Variants in RNF17 observed in about 807,000 individuals in gnomAD.
RNF17 encodes ring finger protein 17.
In RNF17, 31 loss-of-function variants were observed where a neutral mutation model predicts 200.5. The observed-to-expected ratio is 0.15, with a 90% CI of 0.12 to 0.21. The LOEUF is 0.21. Among genes scored for constraint, RNF17 ranks in the 10% least tolerant of loss-of-function variants. The probability of loss-of-function intolerance (pLI) is 1.00; values close to 1 mark genes in which losing one functional copy is unlikely to be tolerated. For synonymous variants in RNF17, 606 were observed against 637.8 expected, an observed-to-expected ratio of 0.95 and a Z score of 0.75; for missense variants, 1,628 against 1,905.1, an observed-to-expected ratio of 0.85 and a Z score of 2.71.
intron 26 of RNF17, among the ~76,000 whole-genome samples, chr13:24,860,664 G>A (rs1892995967): frequency 2.6e-5 from 4 of 151,916 alleles, no homozygotes; most frequent in Admixed American, 2.6e-4. Context: ...TTTAGAAATT[G>A]AATTATCAAA....
upstream of RNF17, among the ~76,000 whole-genome samples, chr13:24,761,789 G>A (rs1878765010): frequency 6.6e-6 from 1 of 152,144 alleles, no homozygotes; most frequent in African/African-American, 2.4e-5. Context: ...GAACAAATGT[G>A]GTATAATCAT....
chr13:24,850,318 G>A (rs1329671829), intron 22 of RNF17, 23 bp from the exon 23 acceptor site: 1 of 1,478,424 alleles, frequency 6.8e-7, no homozygotes. Flanking sequence ...TATAAAACAA[G>A]TTGCCACTGT....
rs745476679 is a variant in RNF17, at chr13:24,842,173, T to C, written c.2603+12T>C. ...TCTTATGAAATAGGGTAAGTAGATA[T>C]GTAAACTTTCATTGTTAGTTCATGT... On this transcript the variant is annotated intron_variant, in intron 19 of 35. Transcript: ENST00000255324. 5 of 1,579,002 alleles carry C rather than the reference T, an allele frequency of 3.2e-6. No individual in the cohort carries two copies. The East Asian group carries it at 6.8e-5, about 21-fold the overall frequency.
chr13:24,873,392 T>C (rs1376242138), intron 32 of RNF17, among the ~76,000 whole-genome samples: 2 of 152,242 alleles, frequency 1.3e-5, no homozygotes, highest in Non-Finnish European at 2.9e-5. Flanking sequence ...ATTGTGAGCC[T>C]ATATTTGTTA....
chr13:24,859,045 A>G lies in RNF17; in HGVS notation c.3655A>G (p.Lys1219Glu). Reference protein sequence around the residue: ...KMTNEIQSNLKCLGLLEPYFW... With the variant: ...KMTNEIQSNLECLGLLEPYFW... ...GACAAATGAAATTCAAAGTAATTTA[A>G]AATGCCTTGGTCTTTTGGAGCCTTA... is the stretch of plus-strand genomic sequence containing the variant. Residue 1219 changes from lysine to glutamate, a missense_variant, in exon 26 of 36, where the codon AAA becomes GAA. Around this residue, in one of 5 missense-constraint regions of RNF17, gnomAD observed 609 missense variants for 681.9 expected, o/e 0.89. Coordinates refer to ENST00000255324, the MANE Select transcript of RNF17 (RefSeq NM_031277.3). 1 of 1,603,210 alleles carries G rather than the reference A, an allele frequency of 6.2e-7. No homozygotes were observed. Among genetic ancestry groups the G allele is most frequent in the Non-Finnish European group, 8.5e-7 (1 of 1,171,062 alleles).
At chr13:24,855,956 GT>G (rs1350282580) in intron 25 of RNF17, among the ~76,000 whole-genome samples, 1 of 152,038 alleles carries the variant, frequency 6.6e-6, no homozygotes, top group Non-Finnish European at 1.5e-5. Context: ...CTGATTCATA[GT>G]TCTTAATATA....
chr13:24,756,786 C>T, the RNF17 span, among the ~76,000 whole-genome samples: 17 of 152,050 alleles, frequency 1.1e-4, no homozygotes, highest in Non-Finnish European at 1.8e-4. Context: ...TAAAATCGAC[C>T]GAAGCCTTCC....
chr13:24,870,140 G>C (rs1032146635), intron 31 of RNF17, among the ~76,000 whole-genome samples: 1 of 151,874 alleles, frequency 6.6e-6, no homozygotes, highest in African/African-American at 2.4e-5. Flanking sequence ...TAGAGACGAG[G>C]TTTCACCGTG....
chr13:24,781,034 A>G (rs969057531), intron 5 of RNF17, among the ~76,000 whole-genome samples: 2 of 152,320 alleles, frequency 1.3e-5, no homozygotes, highest in East Asian at 3.9e-4. Context: ...TCTAAAATAC[A>G]TTGGTGAAAC....
At chr13:24,771,638 CTTT>C (rs11361522) in intron 2 of RNF17, among the ~76,000 whole-genome samples, 2 of 140,562 alleles carry the variant, frequency 1.4e-5, no homozygotes, top group African/African-American at 2.6e-5. Flanking sequence ...CTAGGTAGGG[CTTT>C]TTTTTTTTTT....
At chr13:24,797,860 T>A (rs559352506) in intron 11 of RNF17, among the ~76,000 whole-genome samples, 14 of 152,144 alleles carry the variant, frequency 9.2e-5, no homozygotes, top group Admixed American at 7.9e-4. Flanking sequence ...GGAGAATGAA[T>A]AAATAAATAT....
chr13:24,760,989 A>G (rs1878695817), upstream of RNF17, among the ~76,000 whole-genome samples: 1 of 152,192 alleles, frequency 6.6e-6, no homozygotes, highest in Admixed American at 6.5e-5. Flanking sequence ...GTTGGCAAGG[A>G]TATGGAGAAA....
chr13:24,752,180 A>G, the RNF17 span: 1 of 152,610 alleles, frequency 6.6e-6, no homozygotes, highest in Non-Finnish European at 1.5e-5. Context: ...ACGTTCCAGC[A>G]GAACGATGCC....
At chr13:24,839,186 G>A (rs1050019958) in intron 18 of RNF17, among the ~76,000 whole-genome samples, 2 of 152,090 alleles carry the variant, frequency 1.3e-5, no homozygotes, top group African/African-American at 2.4e-5. Flanking sequence ...ATGAACAAAT[G>A]GAAACACATC....
Position 24,874,219 on chromosome 13 carries a change from A to T in RNF17, c.4553A>T (p.Tyr1518Phe), listed in dbSNP as rs1478143039. 1 of 1,605,230 alleles carries T rather than the reference A, an allele frequency of 6.2e-7. No homozygotes were observed. Among genetic ancestry groups the T allele is most frequent in the South Asian group, 1.1e-5 (1 of 88,788 alleles). ...TCTATCTTAGTACAATTTGTTGATTATGGATCAACTGCAAAGCTGACATTA... is the reference window on the plus strand; with the variant it reads ...TCTATCTTAGTACAATTTGTTGATTTTGGATCAACTGCAAAGCTGACATTA... ...PLSILVQFVDYGSTAKLTLNR... is the reference protein window; with the variant it reads ...PLSILVQFVDFGSTAKLTLNR... The change falls in exon 33 of 36, where the codon TAT (tyrosine) becomes TTT (phenylalanine). Residue 1518 changes from tyrosine (Y) to phenylalanine (F), a missense_variant. By Grantham distance (22) the Tyr-to-Phe change is conservative (BLOSUM62 3). Transcript: ENST00000255324.
intron 2 of RNF17, among the ~76,000 whole-genome samples, chr13:24,773,563 G>A (rs1377566540): frequency 1.4e-4 from 22 of 152,086 alleles, no homozygotes; most frequent in Admixed American, 1.4e-3. Flanking sequence ...GAGGAGGGGA[G>A]GCAAGGGCAG....
chr13:24,823,074 C>T (rs775681902), intron 15 of RNF17, among the ~76,000 whole-genome samples: 6 of 151,940 alleles, frequency 3.9e-5, no homozygotes, highest in Non-Finnish European at 7.4e-5. Flanking sequence ...GAGTTGTGTT[C>T]TTTTTTTAAA....
intron 15 of RNF17, among the ~76,000 whole-genome samples, chr13:24,818,873 C>A (rs976652636): frequency 1.3e-5 from 2 of 151,870 alleles, no homozygotes; most frequent in African/African-American, 4.8e-5. Context: ...GAGTTTAATA[C>A]ATTTACATTT....
chr13:24,884,352 C>CGTCACCATTAAAGAAA (rs748968531), downstream of RNF17: 1 of 1,614,112 alleles, frequency 6.2e-7, no homozygotes, highest in Non-Finnish European at 8.5e-7. Flanking sequence ...ACCTGCTTCA[C>CGTCACCATTAAAGAAA]GTCACCATTA....
Sources: allele counts gnomAD v4.1 joint callset (sites outside exome capture counted in the v4.1 genomes callset), GRCh38; gene constraint gnomAD v4.1.1; regional missense constraint gnomAD v4.1.1; transcripts MANE v1.5; gene names NCBI Gene and HGNC (gene_info 2026-07-23, HGNC 2026-07-21).